ARMC6: variants seen among roughly 807,000 people sequenced by gnomAD.
ARMC6 encodes armadillo repeat containing 6.
ARMC6 carries 43 observed loss-of-function variants against 49.2 expected under a neutral mutation model. The ratio of observed to expected loss-of-function variants is 0.87; its 90% CI spans 0.69 to 1.13. ARMC6 has a LOEUF of 1.13. Ranked by LOEUF, ARMC6 falls within the 50% of genes most tolerant of loss-of-function variation. The pLI, the probability that ARMC6 is intolerant of heterozygous loss-of-function variation, is 0.00. For synonymous variants in ARMC6, 262 were observed against 289.6 expected, an observed-to-expected ratio of 0.90 and a Z score of 0.97; for missense variants, 627 against 682.0, an observed-to-expected ratio of 0.92 and a Z score of 0.90.
At chr19:19,044,205 G>A (rs1416299127) in intron 4 of ARMC6, 131 bp downstream of exon 4, 1 of 916,120 alleles carries the variant, frequency 1.1e-6, no homozygotes, top group Non-Finnish European at 1.7e-6. Flanking sequence ...GCAAGCTTGA[G>A]TTTGCAGCCA....
chr19:19,054,466 A>G, intron 6 of ARMC6, 145 bp downstream of exon 6: 1 of 856,044 alleles, frequency 1.2e-6, no homozygotes, highest in Non-Finnish European at 1.6e-6. Context: ...GGCAGGAACC[A>G]AAGGTCGGGG....
intron 2 of ARMC6, chr19:19,040,736 C>T (rs1355762103): frequency 2.2e-6 from 1 of 445,840 alleles, no homozygotes; most frequent in African/African-American, 2.0e-5. Context: ...GCAACCTCCG[C>T]CTCTGTGCTC....
At position 19,042,873 on chromosome 19, in the gene ARMC6, G is replaced by A. The variant is rs746046723; in HGVS notation, c.192G>A (p.Ser64=). ...AAGAGGCCGTGGAGCAGTTTGAATC[G>A]CAAGGTAGGGTGGTGTGACTGTCAC... is the stretch of plus-strand genomic sequence containing the variant. ...AVKEAVEQFE[S]QGVDLSNIVK... The change falls in exon 3 of 9, where the codon TCG becomes TCA. Residue 64 remains serine, a synonymous_variant. Transcript: ENST00000535612. 1.2e-5 allele frequency: 20 copies of A among 1,613,516 alleles called. No individual in the cohort carries two copies. The highest frequency in any genetic ancestry group is 2.7e-5 in the African/African-American group (2 of 74,944).
Position 19,034,252 on chromosome 19 carries a change from A to G in ARMC6, c.29+14A>G, listed in dbSNP as rs1441789218. Reference sequence around the variant, plus strand: ...CTCTAGATACAGGTAATGGTGTGCAAATAATAACAGAGTGATGGGACGGGA... The same window carrying G: ...CTCTAGATACAGGTAATGGTGTGCAGATAATAACAGAGTGATGGGACGGGA... On this transcript the variant is annotated intron_variant, in intron 2 of 8. Transcript: ENST00000535612. The G allele has an allele frequency of 1.9e-6, 3 of 1,593,418 alleles. No individual in the cohort carries two copies. The highest frequency in any genetic ancestry group is 3.4e-5 in the Admixed American group (2 of 59,178).
In ARMC6 at chr19:19,033,618, T is replaced by A; in HGVS notation, c.-392T>A. The stretch of plus-strand genomic sequence containing the variant: ...GCGGGCCGCCGCGGCCCGGCTCTCT[T>A]GCGCAAGCGCGCTGTCCGCTTCTTC... On this transcript the variant is annotated 5_prime_UTR_variant, in exon 1 of 9. Transcript: ENST00000535612. 1 of 1,155,164 alleles carries A rather than the reference T, an allele frequency of 8.7e-7. No homozygotes were observed. The highest frequency in any genetic ancestry group is 1.1e-6 in the Non-Finnish European group (1 of 938,194). The allele number at this position is 1,155,164 out of a possible 1,614,324, so 71.6% of individuals were successfully genotyped here. A position where few individuals can be genotyped will look rare whatever the true frequency, so the allele number is the denominator to read the frequency against.
chr19:19,053,756 G>A (rs1224416369), intron 5 of ARMC6, among the ~76,000 whole-genome samples: 1 of 152,020 alleles, frequency 6.6e-6, no homozygotes, highest in African/African-American at 2.4e-5. Flanking sequence ...AGCCCAGTCC[G>A]TATGTGTCCC....
At chr19:19,035,513 G>A (rs527415135) in intron 2 of ARMC6, among the ~76,000 whole-genome samples, 15 of 152,316 alleles carry the variant, frequency 9.8e-5, no homozygotes, top group Non-Finnish European at 1.8e-4. Context: ...TTCCAAATCT[G>A]TACTTTCCTC....
In ARMC6 at chr19:19,051,553, G is replaced by A. The variant is rs936302975; in HGVS notation, c.280-69G>A. 22 of 1,421,942 alleles carry A rather than the reference G, an allele frequency of 1.5e-5. No homozygotes were observed. In the African/African-American group the frequency reaches 2.9e-4, roughly 19 times the overall value. 88.1% of individuals were successfully genotyped at this position (1,421,942 alleles called of 1,614,324 possible). Reference sequence around the variant, plus strand: ...GGGGAGGGAACCTTGCAGGGGTCCAGACACTGTTGCTGTGGCCATGGGTTC... The same window carrying A: ...GGGGAGGGAACCTTGCAGGGGTCCAAACACTGTTGCTGTGGCCATGGGTTC... On this transcript the variant is annotated intron_variant, in intron 4 of 8. Transcript: ENST00000535612.
At chr19:19,045,815 C>T (rs1051139303) in intron 4 of ARMC6, among the ~76,000 whole-genome samples, 13 of 152,024 alleles carry the variant, frequency 8.6e-5, no homozygotes, top group African/African-American at 3.1e-4. Context: ...CCATGCCTGG[C>T]TAATTTTTTG....
intron 4 of ARMC6, among the ~76,000 whole-genome samples, chr19:19,045,396 G>A (rs1199695280): frequency 6.6e-6 from 1 of 151,792 alleles, no homozygotes; most frequent in African/African-American, 2.4e-5. Context: ...ATTTGTAGAT[G>A]AAGTTTATAT....
intron 4 of ARMC6, among the ~76,000 whole-genome samples, chr19:19,051,373 C>CTGTG (rs1279966843): frequency 6.9e-4 from 80 of 115,150 alleles, no homozygotes; most frequent in African/African-American, 2.2e-3. Flanking sequence ...CTCTCTCTCT[C>CTGTG]TCTGTGTGTG....
chr19:19,038,647 G>A (rs1028773956), intron 2 of ARMC6, among the ~76,000 whole-genome samples: 1 of 152,108 alleles, frequency 6.6e-6, no homozygotes, highest in Non-Finnish European at 1.5e-5. Context: ...GCGTGATCTT[G>A]TCTCACTGCA....
intron 4 of ARMC6, among the ~76,000 whole-genome samples, chr19:19,050,709 A>G (rs927148716): frequency 1.3e-5 from 2 of 152,204 alleles, no homozygotes; most frequent in African/African-American, 4.8e-5. Flanking sequence ...CTTTTTAAAT[A>G]TCCTGTTGCA....
In ARMC6 at chr19:19,057,812, A is replaced by G. The variant is rs747482347; in HGVS notation, c.*184A>G. The G allele has an allele frequency of 6.4e-6, 5 of 777,022 alleles. No individual in the cohort carries two copies. The highest frequency in any genetic ancestry group is 1.1e-5 in the Non-Finnish European group (5 of 434,866). The allele number at this position is 777,022 out of a possible 1,614,324, so 48.1% of individuals were successfully genotyped here. A position where few individuals can be genotyped will look rare whatever the true frequency, so the allele number is the denominator to read the frequency against. On this transcript the variant is annotated 3_prime_UTR_variant, in exon 9 of 9. Transcript: ENST00000535612. ...TTGTAGGGAGGCCTCTACACAGAAGAAAGCAGCCCCCATGTCCCAGCCACT... is the reference window on the plus strand; with the variant it reads ...TTGTAGGGAGGCCTCTACACAGAAGGAAGCAGCCCCCATGTCCCAGCCACT...
Position 19,043,941 on chromosome 19 carries a change from C to T in ARMC6, c.197-51C>T, listed in dbSNP as rs757734398. 4.5e-6 allele frequency: 7 copies of T among 1,543,536 alleles called. No homozygotes were observed. The African/African-American group carries it at 9.5e-5, about 21-fold the overall frequency. ...TCCAGCAGGCCCACGGGGATGACAGCTGTCACTTTCTTTCTGACCCCTGTG... is the reference window on the plus strand; with the variant it reads ...TCCAGCAGGCCCACGGGGATGACAGTTGTCACTTTCTTTCTGACCCCTGTG... On this transcript the variant is annotated intron_variant, in intron 3 of 8. Coordinates refer to ENST00000535612, the MANE Select transcript of ARMC6 (RefSeq NM_001199196.2).
chr19:19,035,214 C>T (rs1206453330), intron 2 of ARMC6, among the ~76,000 whole-genome samples: 1 of 152,050 alleles, frequency 6.6e-6, no homozygotes, highest in African/African-American at 2.4e-5. Context: ...CTATGTTGGC[C>T]AGGCTGTTCT....
intron 2 of ARMC6, chr19:19,037,499 T>C: frequency 2.2e-6 from 1 of 454,128 alleles, no homozygotes; most frequent in Non-Finnish European, 4.1e-6. Context: ...CCCAAATAGC[T>C]GTAACTACAG....
Position 19,042,703 on chromosome 19 carries a change from C to T in ARMC6, c.30-8C>T. On this transcript the variant is annotated splice_region_variant and splice_polypyrimidine_tract_variant and intron_variant, in intron 2 of 8. Transcript: ENST00000535612. ...TGAGGTAGCTCTCTCTTTGCCCTAA[C>T]CTCTCAGCTCAGGAGCATCTATCGG... 6.2e-7 allele frequency: 1 copy of T among 1,612,032 alleles called. No homozygotes were observed. Among genetic ancestry groups the T allele is most frequent in the South Asian group, 1.1e-5 (1 of 91,074 alleles).
At chr19:19,039,445 T>G in intron 2 of ARMC6, 1 of 425,678 alleles carries the variant, frequency 2.3e-6, no homozygotes, top group Non-Finnish European at 4.7e-6. Context: ...CCTGATGTAG[T>G]GATTTTACGT....
Sources: gnomAD v4.1 joint callset for allele counts (sites outside exome capture counted in the v4.1 genomes callset) on GRCh38, gnomAD v4.1.1 for gene constraint, MANE v1.5 for transcripts, NCBI Gene and HGNC (gene_info 2026-07-23, HGNC 2026-07-21) for gene names.